Variants in FLT1 observed in about 807,000 individuals in gnomAD.
FLT1 encodes vascular endothelial growth factor receptor 1.
A neutral mutation model predicts 156.3 loss-of-function variants in FLT1; 49 were observed. The ratio of observed to expected loss-of-function variants is 0.31; its 90% CI spans 0.25 to 0.40. The LOEUF (loss-of-function observed/expected upper bound fraction) is 0.40, where lower values mean the gene tolerates loss of function less well. FLT1 is among the 10% of genes least tolerant of loss of function. The probability of loss-of-function intolerance (pLI) is 1.00; values close to 1 mark genes in which losing one functional copy is unlikely to be tolerated. For synonymous variants in FLT1, 594 were observed against 583.8 expected, an observed-to-expected ratio of 1.02 and a Z score of -0.25; for missense variants, 1,322 against 1,637.2, an observed-to-expected ratio of 0.81 and a Z score of 3.32.
chr13:28,476,254 T>G (rs1880538644), intron 1 of FLT1, among the ~76,000 whole-genome samples: 4 of 152,144 alleles, frequency 2.6e-5, no homozygotes. Context: ...GTGTGTGCTT[T>G]AATTACATTT....
At chr13:28,382,930 C>A (rs541862392) in intron 14 of FLT1, among the ~76,000 whole-genome samples, 14 of 152,262 alleles carry the variant, frequency 9.2e-5, no homozygotes, top group Admixed American at 2.0e-4. Context: ...CAACCCCATT[C>A]TGTGCATCAA....
At chr13:28,309,301 G>T (rs185875953) in intron 27 of FLT1, among the ~76,000 whole-genome samples, 3 of 152,228 alleles carry the variant, frequency 2.0e-5, no homozygotes, top group Non-Finnish European at 2.9e-5. Context: ...CTCTGAAAAG[G>T]ATGTGAGGTG....
rs1875755855 is a variant in FLT1, at chr13:28,405,818, T to A, written c.1513A>T (p.Ile505Phe). ...TCTATTATTGCCATGCGCTGAGTGA[T>A]GCTCTCAATTCTGTTTCCCATGTTG... is the stretch of plus-strand genomic sequence containing the variant. ...DSNMGNRIES[I>F]TQRMAIIEGK... The change falls in exon 11 of 30, where the codon ATC (isoleucine) becomes TTC (phenylalanine). Residue 505 changes from isoleucine to phenylalanine, a missense_variant. By Grantham distance (21) the Ile-to-Phe change is conservative (BLOSUM62 0). Coordinates refer to ENST00000282397, the MANE Select transcript of FLT1 (RefSeq NM_002019.4). 6.2e-7 allele frequency: 1 copy of A among 1,608,588 alleles called. No homozygotes were observed. Among genetic ancestry groups the A allele is most frequent in the African/African-American group, 1.3e-5 (1 of 74,948 alleles).
intron 14 of FLT1, among the ~76,000 whole-genome samples, chr13:28,369,921 C>T (rs1334629996): frequency 6.6e-6 from 1 of 152,000 alleles, no homozygotes; most frequent in Admixed American, 6.6e-5. Context: ...CCATATAGGC[C>T]GGGTGCAGTG....
chr13:28,377,341 A>G (rs759557666), intron 14 of FLT1, among the ~76,000 whole-genome samples: 1 of 152,218 alleles, frequency 6.6e-6, no homozygotes, highest in Non-Finnish European at 1.5e-5. Context: ...TATGCACAGC[A>G]TGAACATAGG....
intron 23 of FLT1, 75 bp downstream of exon 23, chr13:28,321,386 AGT>A (rs1426614767): frequency 6.7e-7 from 1 of 1,500,926 alleles, no homozygotes; most frequent in Non-Finnish European, 9.2e-7. Context: ...CAGCTGAGGA[AGT>A]GTAAATATTT....
intron 15 of FLT1, among the ~76,000 whole-genome samples, chr13:28,354,554 C>T (rs779462630): frequency 4.6e-4 from 70 of 152,110 alleles, no homozygotes; most frequent in African/African-American, 1.5e-3. Flanking sequence ...CTATTCTATT[C>T]CTATCCAGGA....
intron 3 of FLT1, among the ~76,000 whole-genome samples, chr13:28,453,837 G>A (rs1048415082): frequency 3.3e-5 from 5 of 152,110 alleles, no homozygotes; most frequent in African/African-American, 1.2e-4. Context: ...TATACCCTGT[G>A]CTGGGTCCTG....
At chr13:28,315,320 C>T (rs973827639) in intron 25 of FLT1, among the ~76,000 whole-genome samples, 2 of 152,192 alleles carry the variant, frequency 1.3e-5, no homozygotes, top group Admixed American at 6.5e-5. Context: ...TTTGGGAGGC[C>T]AAGGCCAGTG....
chr13:28,430,381 T>C (rs1263403978), intron 7 of FLT1, among the ~76,000 whole-genome samples: 1 of 152,198 alleles, frequency 6.6e-6, no homozygotes, highest in African/African-American at 2.4e-5. Context: ...TATCACGTCC[T>C]AGCCACATAA....
At chr13:28,426,314 A>T (rs539758558) in intron 10 of FLT1, among the ~76,000 whole-genome samples, 1 of 152,146 alleles carries the variant, frequency 6.6e-6, no homozygotes, top group Non-Finnish European at 1.5e-5. Flanking sequence ...CCTTAGTATC[A>T]TCCCTCTAGA....
intron 3 of FLT1, among the ~76,000 whole-genome samples, chr13:28,450,379 G>A (rs189463491): frequency 2.0e-5 from 3 of 152,334 alleles, no homozygotes; most frequent in African/African-American, 4.8e-5. Context: ...GAATGTCTCA[G>A]CTTTCTGTGC....
At chr13:28,488,241 C>T (rs1389738515) in intron 1 of FLT1, among the ~76,000 whole-genome samples, 2 of 151,986 alleles carry the variant, frequency 1.3e-5, no homozygotes, top group African/African-American at 4.8e-5. Context: ...CTACAAAAAA[C>T]ACAAAAAAAT....
chr13:28,347,626 T>C (rs1421983210), intron 15 of FLT1, among the ~76,000 whole-genome samples: 2 of 152,202 alleles, frequency 1.3e-5, no homozygotes, highest in Admixed American at 6.5e-5. Flanking sequence ...ATCTGTGTGA[T>C]GGGTTTGATC....
chr13:28,374,110 G>C (rs1186644401), intron 14 of FLT1, among the ~76,000 whole-genome samples: 1 of 152,138 alleles, frequency 6.6e-6, no homozygotes, highest in South Asian at 2.1e-4. Context: ...TAGTGGTGAT[G>C]GTTTTGCAAC....
At chr13:28,377,979 G>T (rs1282664684) in intron 14 of FLT1, among the ~76,000 whole-genome samples, 3 of 150,750 alleles carry the variant, frequency 2.0e-5, no homozygotes, top group African/African-American at 7.3e-5. Context: ...AATGCTTTAT[G>T]TGATTTTAAT....
Position 28,431,502 on chromosome 13 carries a change from T to C in FLT1, c.814-192A>G, listed in dbSNP as rs141351720. Among the ~76,000 whole-genome samples, 316 of 152,342 alleles carry C rather than the reference T, an allele frequency of 2.1e-3. 1 individual carries two copies. Among genetic ancestry groups the C allele is most frequent in the Non-Finnish European group, 3.5e-3 (239 of 68,030 alleles). On this transcript the variant is annotated intron_variant, in intron 6 of 29. Coordinates refer to ENST00000282397, the MANE Select transcript of FLT1 (RefSeq NM_002019.4). Reference sequence around the variant, plus strand: ...CTAGAGGTGCTTCAAATATGTAGCATAGCAGGATTTATTTAGCACTTAATT... The same window carrying C: ...CTAGAGGTGCTTCAAATATGTAGCACAGCAGGATTTATTTAGCACTTAATT...
Position 28,390,082 on chromosome 13 carries a change from A to T in FLT1, c.1683T>A (p.Val561=), listed in dbSNP as rs1304958982. ...CTTCCGTCGGCATTTTTTCCAAGTT[A>T]ACATGAAACCCATTTGGCACATCTA... The part of the protein sequence containing the change: ...YITDVPNGFH[V]NLEKMPTEGE... Residue 561 remains valine (V), a synonymous_variant, in exon 13 of 30, where the codon GTT becomes GTA. Transcript: ENST00000282397. 1 of 1,614,130 alleles carries T rather than the reference A, an allele frequency of 6.2e-7. No individual in the cohort carries two copies. The highest frequency in any genetic ancestry group is 2.2e-5 in the East Asian group (1 of 44,882).
At chr13:28,304,228 T>C (rs568139440) in intron 29 of FLT1, among the ~76,000 whole-genome samples, 1 of 152,316 alleles carries the variant, frequency 6.6e-6, no homozygotes, top group African/African-American at 2.4e-5. Flanking sequence ...TTTTCTGAAG[T>C]GTTCCAAAGT....
Sources: gnomAD v4.1 joint callset for allele counts (sites outside exome capture counted in the v4.1 genomes callset) on GRCh38, gnomAD v4.1.1 for gene constraint, MANE v1.5 for transcripts, NCBI Gene and HGNC (gene_info 2026-07-23, HGNC 2026-07-21) for gene names.